DOCK4: variants seen among roughly 807,000 people sequenced by gnomAD.
DOCK4 encodes the protein dedicator of cytokinesis 4.
A neutral mutation model predicts 268.1 loss-of-function variants in DOCK4; 97 were observed. The observed-to-expected ratio is 0.36, with a 90% CI of 0.31 to 0.43. DOCK4 has a LOEUF of 0.43. Ranked by LOEUF, DOCK4 falls within the 20% of genes least tolerant of loss-of-function variation. The pLI is 1.00. For missense variants in DOCK4, 2,145 were observed against 2,455.7 expected (o/e 0.87, Z 2.67); for synonymous variants, 954 against 887.2 (o/e 1.08, Z -1.34).
rs570793170 is a variant in DOCK4 at position 112,127,338 on chromosome 7, C to T, written c.37+78764G>A. 9.6e-5 allele frequency among the ~76,000 whole-genome samples: 14 copies of T among 145,414 alleles called. No individual in the cohort carries two copies. The East Asian group carries it at 2.9e-3, about 30-fold the overall frequency. Reference sequence around the variant, plus strand: ...AAAAACCAAACACCGCATGTTCTCACTCATAGGTGGGAACTGAACAATGAG... The same window carrying T: ...AAAAACCAAACACCGCATGTTCTCATTCATAGGTGGGAACTGAACAATGAG... On this transcript the variant is annotated intron_variant, in intron 1 of 52. Coordinates refer to ENST00000428084, the MANE Select transcript of DOCK4 (RefSeq NM_001363540.2).
At chr7:112,155,407 C>T (rs988582) in intron 1 of DOCK4, among the ~76,000 whole-genome samples, 76,221 of 151,960 alleles carry the variant, frequency 0.5, 19,290 homozygotes, top group East Asian at 0.69. Context: ...TTACCCTTCC[C>T]CAACTGAATT....
intron 19 of DOCK4, 47 bp downstream of exon 19, chr7:111,872,222 T>C (rs763072629): frequency 2.1e-6 from 3 of 1,426,990 alleles, no homozygotes; most frequent in Admixed American, 2.3e-5. Context: ...AAAGTCAAGA[T>C]TGAGAGACAA....
intron 8 of DOCK4, among the ~76,000 whole-genome samples, chr7:111,963,325 AGTGGGCGCAGGCCAGTGT>A (rs1456101956): frequency 7.1e-6 from 1 of 141,292 alleles, no homozygotes; most frequent in Non-Finnish European, 1.5e-5. Context: ...AGTGCCAGAC[AGTGGGCGCAGGCCAGTGT>A]GTGTGCGCAC....
intron 1 of DOCK4, among the ~76,000 whole-genome samples, chr7:112,053,693 A>T (rs1415389433): frequency 6.6e-6 from 1 of 152,216 alleles, no homozygotes; most frequent in Non-Finnish European, 1.5e-5. Context: ...CAATGGCTGC[A>T]TGGATTACCA....
chr7:112,161,619 G>A (rs1225429472), intron 1 of DOCK4, among the ~76,000 whole-genome samples: 2 of 152,158 alleles, frequency 1.3e-5, no homozygotes, highest in Admixed American at 6.5e-5. Flanking sequence ...AAAAAAGGCA[G>A]TCTGTACTGA....
chr7:112,186,996 T>A (rs552486324), intron 1 of DOCK4, among the ~76,000 whole-genome samples: 81 of 152,232 alleles, frequency 5.3e-4, no homozygotes, highest in African/African-American at 1.9e-3. Flanking sequence ...TCTTTTTTTT[T>A]AAGCCATTAA....
chr7:111,768,655 T>C (rs900970865), intron 37 of DOCK4, among the ~76,000 whole-genome samples: 4 of 152,168 alleles, frequency 2.6e-5, no homozygotes, highest in Non-Finnish European at 5.9e-5. Flanking sequence ...ATGTACTGAA[T>C]TGCTTTATGA....
chr7:111,916,243 A>G (rs1792576502), intron 12 of DOCK4, among the ~76,000 whole-genome samples: 1 of 152,162 alleles, frequency 6.6e-6, no homozygotes, highest in African/African-American at 2.4e-5. Context: ...GATGAAGGTC[A>G]CCTTGCCCTA....
chr7:112,098,477 T>G (rs143096546), intron 1 of DOCK4, among the ~76,000 whole-genome samples: 3,599 of 150,980 alleles, frequency 0.024, 63 homozygotes, highest in Middle Eastern at 0.042. Flanking sequence ...GCGTCCAGCC[T>G]ATAAATTATA....
intron 5 of DOCK4, 123 bp from the exon 6 acceptor site, chr7:111,989,286 A>G: frequency 7.7e-7 from 1 of 1,304,474 alleles, no homozygotes; most frequent in South Asian, 1.4e-5. Context: ...CTCTGGACAG[A>G]TGTCCGTGAA....
chr7:111,887,614 G>T (rs768350647), intron 16 of DOCK4, among the ~76,000 whole-genome samples: 29 of 152,106 alleles, frequency 1.9e-4, no homozygotes, highest in Non-Finnish European at 3.5e-4. Flanking sequence ...TTAGCCCCTG[G>T]CTGGGCACTA....
intron 1 of DOCK4, among the ~76,000 whole-genome samples, chr7:112,199,244 T>C (rs975933560): frequency 3.9e-5 from 6 of 152,200 alleles, no homozygotes; most frequent in Non-Finnish European, 8.8e-5. Context: ...TCATGAGGTA[T>C]CATGAAGATT....
chr7:111,768,847 G>A (rs752063939), intron 37 of DOCK4, among the ~76,000 whole-genome samples: 22 of 152,138 alleles, frequency 1.4e-4, no homozygotes, highest in Non-Finnish European at 2.1e-4. Flanking sequence ...CAATATCTGC[G>A]TGCTATGGTC....
intron 30 of DOCK4, among the ~76,000 whole-genome samples, chr7:111,797,583 A>C (rs2133839974): frequency 6.6e-6 from 1 of 152,300 alleles, no homozygotes; most frequent in East Asian, 1.9e-4. Context: ...CAAATAAGGA[A>C]AGCAAAAAAA....
chr7:111,925,400 G>T (rs960421331), intron 12 of DOCK4, among the ~76,000 whole-genome samples: 2 of 152,154 alleles, frequency 1.3e-5, no homozygotes, highest in African/African-American at 4.8e-5. Context: ...TGAAGCAGAG[G>T]AAAGAAAGAA....
chr7:111,921,719 G>C (rs1293746187), intron 12 of DOCK4, among the ~76,000 whole-genome samples: 1 of 152,040 alleles, frequency 6.6e-6, no homozygotes. Context: ...AAATACTTTA[G>C]GTAATGCTTA....
At chr7:112,136,823 A>T (rs563567264) in intron 1 of DOCK4, among the ~76,000 whole-genome samples, 2 of 152,320 alleles carry the variant, frequency 1.3e-5, no homozygotes, top group African/African-American at 4.8e-5. Flanking sequence ...GAGAGGGCTG[A>T]CATTTTCCAG....
intron 41 of DOCK4, 49 bp downstream of exon 41, chr7:111,758,575 G>T (rs775367965): frequency 1.9e-6 from 3 of 1,596,122 alleles, no homozygotes; most frequent in Non-Finnish European, 2.6e-6. Context: ...GCCCCAAGGG[G>T]CTCGCAGTCT....
chr7:111,775,094 G>T (rs17158805), intron 36 of DOCK4, among the ~76,000 whole-genome samples: 12,293 of 152,252 alleles, frequency 0.081, 1,206 homozygotes, highest in African/African-American at 0.23. Context: ...GGTTTTGAAA[G>T]ATTTCTAGGC....
Sources: allele counts gnomAD v4.1 joint callset (sites outside exome capture counted in the v4.1 genomes callset), GRCh38; gene constraint gnomAD v4.1.1; transcripts MANE v1.5; gene names NCBI Gene and HGNC (gene_info 2026-07-23, HGNC 2026-07-21).